PTCHD4: variants seen among roughly 807,000 people sequenced by gnomAD.
PTCHD4 encodes patched domain containing 4, also known as patched domain-containing protein 4.
In PTCHD4, 33 loss-of-function variants were observed where a neutral mutation model predicts 58.1. The ratio of observed to expected loss-of-function variants is 0.57; its 90% CI spans 0.43 to 0.76. The LOEUF is 0.76. Among genes scored for constraint, PTCHD4 ranks in the 30% least tolerant of loss-of-function variants. PTCHD4 has a pLI of 0.00. For missense variants in PTCHD4, 1,058 were observed against 1,027.1 expected (o/e 1.03, Z -0.41); for synonymous variants, 478 against 409.6 (o/e 1.17, Z -2.02).
At chr6:47,925,029 A>G (rs1765556668) in intron 4 of PTCHD4, among the ~76,000 whole-genome samples, 1 of 149,538 alleles carries the variant, frequency 6.7e-6, no homozygotes, top group Non-Finnish European at 1.5e-5. Flanking sequence ...CTTTTAATAT[A>G]TATGTATATG....
At chr6:47,959,233 A>G (rs958553764) in intron 4 of PTCHD4, among the ~76,000 whole-genome samples, 3 of 152,242 alleles carry the variant, frequency 2.0e-5, no homozygotes, top group African/African-American at 7.2e-5. Flanking sequence ...GACATGATGT[A>G]CAAAATGATT....
chr6:48,046,762 C>A (rs1764049058), intron 3 of PTCHD4, among the ~76,000 whole-genome samples: 1 of 151,694 alleles, frequency 6.6e-6, no homozygotes, highest in East Asian at 1.9e-4. Flanking sequence ...AAATAAAATG[C>A]ACATAAAATA....
At chr6:48,025,014 G>C (rs1763193906) in intron 3 of PTCHD4, among the ~76,000 whole-genome samples, 1 of 152,098 alleles carries the variant, frequency 6.6e-6, no homozygotes, top group South Asian at 2.1e-4. Context: ...TGGATTGCTA[G>C]AGAAACATAA....
intron 1 of PTCHD4, among the ~76,000 whole-genome samples, chr6:48,108,261 C>T (rs1330119376): frequency 2.6e-5 from 4 of 152,124 alleles, no homozygotes; most frequent in Admixed American, 2.0e-4. Context: ...CCATGGAATA[C>T]TATGCAGCCA....
chr6:48,035,795 A>G (rs1763611207), intron 3 of PTCHD4, among the ~76,000 whole-genome samples: 1 of 152,150 alleles, frequency 6.6e-6, no homozygotes, highest in African/African-American at 2.4e-5. Flanking sequence ...CTGTCAGCTC[A>G]GTTTAGCCAG....
chr6:47,896,406 A>G (rs911443133), intron 4 of PTCHD4, among the ~76,000 whole-genome samples: 13 of 152,144 alleles, frequency 8.5e-5, no homozygotes, highest in African/African-American at 2.9e-4. Flanking sequence ...TAAATGCTTT[A>G]AAAAAATAGG....
intron 4 of PTCHD4, 132 bp from the exon 5 acceptor site, chr6:47,880,068 G>A: frequency 2.7e-6 from 2 of 742,994 alleles, no homozygotes; most frequent in South Asian, 5.0e-5. Context: ...CCTCCTATCA[G>A]GGCCTCAAAA....
At chr6:48,042,774 T>C (rs1270958224) in intron 3 of PTCHD4, among the ~76,000 whole-genome samples, 3 of 151,980 alleles carry the variant, frequency 2.0e-5, no homozygotes, top group African/African-American at 7.2e-5. Context: ...GTCAAAACAT[T>C]AGGCAGACAT....
At position 47,860,565 on chromosome 6, in the gene PTCHD4, C is replaced by G. The variant is rs1040392343; in HGVS notation, c.*17738G>C. On this transcript the variant is annotated 3_prime_UTR_variant, in exon 5 of 5. Transcript: ENST00000339488. Reference sequence around the variant, plus strand: ...AAAATGTAATCCCTCATCCATGCAGCCTTCTTTCTTTCTTTACATTAGCAC... The same window carrying G: ...AAAATGTAATCCCTCATCCATGCAGGCTTCTTTCTTTCTTTACATTAGCAC... Among the ~76,000 whole-genome samples the G allele has an allele frequency of 2.6e-5, 4 of 152,002 alleles. No individual in the cohort carries two copies. Among genetic ancestry groups the G allele is most frequent in the Non-Finnish European group, 4.4e-5 (3 of 67,944 alleles).
Position 47,932,333 on chromosome 6 carries a change from C to A in PTCHD4, c.899-52397G>T, listed in dbSNP as rs577346970. On this transcript the variant is annotated intron_variant, in intron 4 of 4. Coordinates refer to ENST00000339488, the MANE Select transcript of PTCHD4 (RefSeq NM_001384253.1). The stretch of plus-strand genomic sequence containing the variant: ...AAAGTGAGTTCAGAGGAGGCTGACT[C>A]AAGTTCAGACAAAGGAAAGAATGTT... Among the ~76,000 whole-genome samples, 3 of 152,204 alleles carry A rather than the reference C, an allele frequency of 2.0e-5. No homozygotes were observed. In the South Asian group the frequency reaches 6.2e-4, roughly 32 times the overall value.
intron 4 of PTCHD4, chr6:47,902,070 C>CAT (rs1477048639): frequency 9.2e-6 from 4 of 433,188 alleles, no homozygotes; most frequent in Non-Finnish European, 1.3e-5. Context: ...ACAGCAACCA[C>CAT]ATAATAACCT....
At chr6:48,049,634 C>G (rs146175198) in intron 3 of PTCHD4, among the ~76,000 whole-genome samples, 251 of 151,988 alleles carry the variant, frequency 1.7e-3, no homozygotes, top group Non-Finnish European at 3.0e-3. Flanking sequence ...AAAGGTGATC[C>G]ATTTTTCCTC....
chr6:48,034,651 GC>G (rs1207139132), intron 3 of PTCHD4, among the ~76,000 whole-genome samples: 1 of 152,016 alleles, frequency 6.6e-6, no homozygotes, highest in Non-Finnish European at 1.5e-5. Flanking sequence ...TTGTTTCACT[GC>G]TATTTCTTTT....
intron 4 of PTCHD4, chr6:47,899,805 A>C (rs1288659243): frequency 6.6e-6 from 1 of 152,330 alleles, no homozygotes; most frequent in East Asian, 1.9e-4. Flanking sequence ...CTAACCCACC[A>C]ATCCTCAGCA....
intron 3 of PTCHD4, among the ~76,000 whole-genome samples, chr6:48,048,483 C>T (rs775844576): frequency 6.6e-6 from 1 of 151,894 alleles, no homozygotes; most frequent in Non-Finnish European, 1.5e-5. Flanking sequence ...TCTCTCAGGG[C>T]AACCTATCTT....
rs1403481075 is a variant in PTCHD4 at position 47,974,858 on chromosome 6, CT to C, written c.898+33775del. 3.3e-5 allele frequency among the ~76,000 whole-genome samples: 5 copies of C among 152,302 alleles called. No individual in the cohort carries two copies. In the East Asian group the frequency reaches 9.6e-4, roughly 29 times the overall value. On this transcript the variant is annotated intron_variant, in intron 4 of 4. Coordinates refer to ENST00000339488, the MANE Select transcript of PTCHD4 (RefSeq NM_001384253.1). The stretch of plus-strand genomic sequence containing the variant: ...ACAAAAATATCAGCCAGAAACCAAT[CT>C]GGAGTTGAAAACGTCTCACATTAAA...
chr6:47,933,121 T>C (rs1030702738), intron 4 of PTCHD4, among the ~76,000 whole-genome samples: 1 of 152,302 alleles, frequency 6.6e-6, no homozygotes, highest in Admixed American at 6.5e-5. Flanking sequence ...AGGAATTTGA[T>C]ATGGCTGATT....
intron 3 of PTCHD4, among the ~76,000 whole-genome samples, chr6:48,044,742 A>G (rs890671826): frequency 2.0e-5 from 3 of 151,850 alleles, no homozygotes; most frequent in African/African-American, 4.8e-5. Context: ...TCATGCTAAG[A>G]ATCCTCTTTT....
chr6:48,017,999 A>T (rs1181038472), intron 3 of PTCHD4, among the ~76,000 whole-genome samples: 1 of 152,198 alleles, frequency 6.6e-6, no homozygotes, highest in Non-Finnish European at 1.5e-5. Context: ...CATTGAGAAG[A>T]TTGAATGTGT....
Sources: gnomAD v4.1 joint callset for allele counts (sites outside exome capture counted in the v4.1 genomes callset) on GRCh38, gnomAD v4.1.1 for gene constraint, MANE v1.5 for transcripts, NCBI Gene and HGNC (gene_info 2026-07-23, HGNC 2026-07-21) for gene names.